Variants in WDPCP observed in about 807,000 individuals in gnomAD.
The protein encoded by WDPCP is WD repeat containing planar cell polarity effector, also known as WD repeat-containing and planar cell polarity effector protein fritz homolog.
A neutral mutation model predicts 93.1 loss-of-function variants in WDPCP; 71 were observed. The ratio of observed to expected loss-of-function variants is 0.76; its 90% CI spans 0.63 to 0.93. The LOEUF is 0.93. Ranked by LOEUF, WDPCP falls within the 40% of genes least tolerant of loss-of-function variation. The pLI is 0.00. For synonymous variants in WDPCP, 315 were observed against 315.0 expected (o/e 1.00, Z 0.00); for missense variants, 844 against 887.4 (o/e 0.95, Z 0.62).
intron 2 of WDPCP, among the ~76,000 whole-genome samples, chr2:63,667,564 T>C (rs1051101099): frequency 6.6e-6 from 1 of 152,224 alleles, no homozygotes; most frequent in Non-Finnish European, 1.5e-5. Context: ...TCAAAAGCAG[T>C]TCAGAACATT....
chr2:63,146,828 T>C (rs962415855), intron 17 of WDPCP, among the ~76,000 whole-genome samples: 4 of 152,198 alleles, frequency 2.6e-5, no homozygotes, highest in African/African-American at 7.2e-5. Context: ...AAGGGACAGG[T>C]TAATGGACAG....
At chr2:63,381,203 TATTAG>T (rs1371984214) in intron 11 of WDPCP, among the ~76,000 whole-genome samples, 1 of 152,146 alleles carries the variant, frequency 6.6e-6, no homozygotes, top group African/African-American at 2.4e-5. Flanking sequence ...AAAATAATAC[TATTAG>T]ATAATTGGCA....
chr2:63,313,442 G>A, intron 12 of WDPCP, 131 bp from the exon 13 acceptor site: 1 of 936,550 alleles, frequency 1.1e-6, no homozygotes. Context: ...AAACAGAAGG[G>A]ATTTGGCCTA....
the WDPCP span, among the ~76,000 whole-genome samples, chr2:63,837,310 A>G: frequency 2.0e-5 from 3 of 152,158 alleles, no homozygotes; most frequent in African/African-American, 7.2e-5. Flanking sequence ...GAAATGCCCT[A>G]TTGTTAGATG....
intron 14 of WDPCP, among the ~76,000 whole-genome samples, chr2:63,189,153 A>T (rs1674858745): frequency 6.6e-6 from 1 of 152,124 alleles, no homozygotes; most frequent in Admixed American, 6.5e-5. Flanking sequence ...AGAACCGCAG[A>T]GTCTCTCCTG....
chr2:63,409,651 G>A (rs1276876839), intron 9 of WDPCP, among the ~76,000 whole-genome samples: 3 of 152,116 alleles, frequency 2.0e-5, no homozygotes, highest in Non-Finnish European at 4.4e-5. Context: ...TTCGAAAAAC[G>A]ATAGAAGTGA....
intron 12 of WDPCP, among the ~76,000 whole-genome samples, chr2:63,369,818 G>A (rs1691232443): frequency 1.3e-5 from 2 of 152,116 alleles, no homozygotes; most frequent in Admixed American, 6.5e-5. Flanking sequence ...TAACACTGCA[G>A]TTTTTACCCA....
intron 2 of WDPCP, among the ~76,000 whole-genome samples, chr2:63,775,808 T>C (rs576141430): frequency 6.6e-6 from 1 of 152,310 alleles, no homozygotes; most frequent in Admixed American, 6.5e-5. Context: ...GACATCAAAA[T>C]CATCTTTGAA....
chr2:63,191,662 A>G (rs986262770), intron 14 of WDPCP, among the ~76,000 whole-genome samples: 5 of 152,170 alleles, frequency 3.3e-5, no homozygotes, highest in African/African-American at 4.8e-5. Flanking sequence ...CTATGACATC[A>G]AGGCTGAATA....
intron 2 of WDPCP, among the ~76,000 whole-genome samples, chr2:63,679,783 T>G (rs377719356): frequency 2.0e-5 from 3 of 152,264 alleles, no homozygotes; most frequent in East Asian, 3.9e-4. Context: ...CTAAGCTTCA[T>G]GGCCACTGTA....
At chr2:63,418,655 C>T (rs927657034) in intron 9 of WDPCP, among the ~76,000 whole-genome samples, 1 of 152,094 alleles carries the variant, frequency 6.6e-6, no homozygotes, top group Non-Finnish European at 1.5e-5. Context: ...AAGAGAATGC[C>T]TGTGATAACG....
At chr2:63,707,146 T>C (rs1017440826) in intron 2 of WDPCP, among the ~76,000 whole-genome samples, 2 of 152,212 alleles carry the variant, frequency 1.3e-5, no homozygotes, top group African/African-American at 2.4e-5. Flanking sequence ...TGGCGTTCTC[T>C]GTATTTCCTG....
chr2:63,676,934 G>A lies in WDPCP; in HGVS notation n.309-26096C>T, dbSNP rs1448020212. On this transcript the variant is annotated intron_variant and non_coding_transcript_variant, in intron 2 of 4. Coordinates refer to the WDPCP transcript ENST00000467687. ...GTGTGAAATGTTTGCATTCAGTGGG[G>A]TAAGCTTTAGGGAAGGGCTACGTGA... 2.0e-5 allele frequency among the ~76,000 whole-genome samples: 3 copies of A among 152,258 alleles called. No homozygotes were observed. The South Asian group carries it at 6.2e-4, about 32-fold the overall frequency.
chr2:63,552,281 T>C (rs984834258), intron 1 of WDPCP, among the ~76,000 whole-genome samples: 10 of 151,304 alleles, frequency 6.6e-5, no homozygotes, highest in African/African-American at 2.4e-4. Context: ...TTCTCTTTTA[T>C]GTTGTTTATT....
intron 6 of WDPCP, among the ~76,000 whole-genome samples, chr2:63,472,525 C>G (rs182891323): frequency 6.6e-6 from 1 of 152,056 alleles, no homozygotes; most frequent in Non-Finnish European, 1.5e-5. Flanking sequence ...ATTAATTTTT[C>G]TATTTACGCT....
chr2:63,329,455 G>A (rs1221639652), intron 12 of WDPCP, among the ~76,000 whole-genome samples: 1 of 152,030 alleles, frequency 6.6e-6, no homozygotes, highest in Non-Finnish European at 1.5e-5. Context: ...ATAAGTGAAA[G>A]ATACAGATGA....
chr2:63,326,325 G>A (rs1435954725), intron 12 of WDPCP, among the ~76,000 whole-genome samples: 1 of 152,142 alleles, frequency 6.6e-6, no homozygotes, highest in Non-Finnish European at 1.5e-5. Context: ...GGCTAATCCT[G>A]ACCTTAACCT....
intron 12 of WDPCP, among the ~76,000 whole-genome samples, chr2:63,326,900 G>C (rs891238556): frequency 6.6e-6 from 1 of 152,178 alleles, no homozygotes; most frequent in Non-Finnish European, 1.5e-5. Context: ...ATAATTGAAG[G>C]TCTTCTCTGT....
At chr2:63,162,227 A>G (rs1390600969) in intron 15 of WDPCP, among the ~76,000 whole-genome samples, 1 of 148,388 alleles carries the variant, frequency 6.7e-6, no homozygotes, top group African/African-American at 2.5e-5. Flanking sequence ...AAAGAGGACC[A>G]TTTTTTTTTT....
Sources: allele counts gnomAD v4.1 joint callset (sites outside exome capture counted in the v4.1 genomes callset), GRCh38; gene constraint gnomAD v4.1.1; transcripts MANE v1.5; gene names NCBI Gene and HGNC (gene_info 2026-07-23, HGNC 2026-07-21).